Variants in HNRNPUL1 observed in about 807,000 individuals in gnomAD.
The protein encoded by HNRNPUL1 is heterogeneous nuclear ribonucleoprotein U like 1.
A neutral mutation model predicts 108.5 loss-of-function variants in HNRNPUL1; 14 were observed. The observed-to-expected ratio is 0.13, with a 90% CI of 0.09 to 0.20. The LOEUF is 0.20. Among genes scored for constraint, HNRNPUL1 ranks in the 10% least tolerant of loss-of-function variants. The pLI is 1.00. For synonymous variants in HNRNPUL1, 422 were observed against 445.2 expected (o/e 0.95, Z 0.66); for missense variants, 804 against 1,168.3 (o/e 0.69, Z 4.55).
chr19:41,288,921 G>T (rs1034569465), intron 7 of HNRNPUL1, among the ~76,000 whole-genome samples: 9 of 152,060 alleles, frequency 5.9e-5, no homozygotes, highest in Non-Finnish European at 1.3e-4. Context: ...TTCCGTGCTG[G>T]CATGAGCATT....
In HNRNPUL1 at chr19:41,302,683, A is replaced by G; in HGVS notation, c.1706A>G (p.Asp569Gly). 6.2e-7 allele frequency: 1 copy of G among 1,614,076 alleles called. No homozygotes were observed. Among genetic ancestry groups the G allele is most frequent in the Non-Finnish European group, 8.5e-7 (1 of 1,180,026 alleles). ...CTCCTAGCCAACTTCACGTTGCCAGATGTTGGGGACTTCCTGGATGAGGTT... is the reference window on the plus strand; with the variant it reads ...CTCCTAGCCAACTTCACGTTGCCAGGTGTTGGGGACTTCCTGGATGAGGTT... Reference protein sequence around the residue: ...LEMKANFTLPDVGDFLDEVLF... With the variant: ...LEMKANFTLPGVGDFLDEVLF... The change falls in exon 12 of 15, where the codon GAT (aspartate) becomes GGT (glycine). Residue 569 changes from aspartate (D) to glycine (G), a missense_variant. Physicochemically the swap from Asp to Gly is moderately conservative, Grantham distance 94. This residue lies in a region of HNRNPUL1 where 80 missense variants were observed against 221.8 expected (regional missense o/e 0.36). Coordinates refer to ENST00000392006, the MANE Select transcript of HNRNPUL1 (RefSeq NM_007040.6).
At chr19:41,276,498 A>G (rs1480606900) in intron 5 of HNRNPUL1, 200 bp downstream of exon 5, 8 of 508,182 alleles carry the variant, frequency 1.6e-5, no homozygotes, top group Non-Finnish European at 2.7e-5. Flanking sequence ...CCAACCATGC[A>G]TTGCTTCATC....
Position 41,302,967 on chromosome 19 carries a change from C to T in HNRNPUL1, c.1972+18C>T. On this transcript the variant is annotated intron_variant, in intron 12 of 14. Transcript: ENST00000392006. ...CCGAGGAGGTGAGACATCTCACACACAGCACTCTCCACTTTCTGTTCCCAG... is the reference window on the plus strand; with the variant it reads ...CCGAGGAGGTGAGACATCTCACACATAGCACTCTCCACTTTCTGTTCCCAG... 1 of 1,514,280 alleles carries T rather than the reference C, an allele frequency of 6.6e-7. No individual in the cohort carries two copies. The allele number at this position is 1,514,280 out of a possible 1,614,324, so 93.8% of individuals were successfully genotyped here. A position where few individuals can be genotyped will look rare whatever the true frequency, so the allele number is the denominator to read the frequency against.
In HNRNPUL1 at chr19:41,294,523, A is replaced by G. The variant is rs551237792; in HGVS notation, c.1390-35A>G. 1.2e-6 allele frequency: 2 copies of G among 1,613,752 alleles called. No individual in the cohort carries two copies. The highest frequency in any genetic ancestry group is 2.2e-5 in the South Asian group (2 of 91,066). On this transcript the variant is annotated intron_variant, in intron 9 of 14. Transcript: ENST00000392006. The surrounding 1 kb of genome is among the most constrained non-coding windows in gnomAD (Gnocchi z 4.3). ...ACCTACTGAGTGCTGCCCTGCAACT[A>G]AAATCACTCACCCCTCACCAATTCC...
intron 7 of HNRNPUL1, among the ~76,000 whole-genome samples, chr19:41,287,615 A>G (rs987489532): frequency 6.6e-6 from 1 of 152,110 alleles, no homozygotes; most frequent in Non-Finnish European, 1.5e-5. Context: ...TCTGGAGTGC[A>G]GTGGCGCAAT....
At chr19:41,285,892 A>C (rs1374255125) in intron 7 of HNRNPUL1, among the ~76,000 whole-genome samples, 1 of 152,074 alleles carries the variant, frequency 6.6e-6, no homozygotes, top group Non-Finnish European at 1.5e-5. Context: ...CTACTGGCTG[A>C]GCGCAGTGGC....
intron 10 of HNRNPUL1, among the ~76,000 whole-genome samples, chr19:41,295,825 C>T (rs538663379): frequency 3.6e-4 from 55 of 152,242 alleles, no homozygotes; most frequent in Non-Finnish European, 7.1e-4. Flanking sequence ...CGCCAGAGAC[C>T]GAGTTGCCTT....
intron 7 of HNRNPUL1, among the ~76,000 whole-genome samples, chr19:41,289,263 G>A (rs1277238580): frequency 1.3e-5 from 2 of 152,210 alleles, no homozygotes; most frequent in Non-Finnish European, 2.9e-5. Context: ...AGGGTGAGGA[G>A]TTGGTGGGGG....
chr19:41,288,140 C>G (rs1455495650), intron 7 of HNRNPUL1, among the ~76,000 whole-genome samples: 1 of 149,586 alleles, frequency 6.7e-6, no homozygotes, highest in Non-Finnish European at 1.5e-5. Context: ...CCCCTCCCGC[C>G]CCACCCATTT....
At chr19:41,293,649 C>G (rs1028898333) in intron 8 of HNRNPUL1, among the ~76,000 whole-genome samples, 1 of 152,178 alleles carries the variant, frequency 6.6e-6, no homozygotes, top group Admixed American at 6.5e-5. Context: ...TGGGGCCAGT[C>G]CCAGTACACA....
Position 41,303,009 on chromosome 19 carries a change from G to A in HNRNPUL1, c.1972+60G>A, listed in dbSNP as rs2037327140. 4 of 1,486,246 alleles carry A rather than the reference G, an allele frequency of 2.7e-6. 1 individual carries two copies. Among genetic ancestry groups the A allele is most frequent in the South Asian group, 2.9e-5 (2 of 69,670 alleles). The allele number at this position is 1,486,246 out of a possible 1,614,324, so 92.1% of individuals were successfully genotyped here. A position where few individuals can be genotyped will look rare whatever the true frequency, so the allele number is the denominator to read the frequency against. On this transcript the variant is annotated intron_variant, in intron 12 of 14. Transcript: ENST00000392006. ...TGTTCCCAGGTTGGGGCTGGGCTTT[G>A]ACTGCTTATTCAATCAGCAACTGAA...
intron 3 of HNRNPUL1, 144 bp downstream of exon 3, chr19:41,272,379 C>G: frequency 2.4e-6 from 2 of 836,544 alleles, no homozygotes. Flanking sequence ...CCTTCCCGTA[C>G]TTGCTACCAG....
intron 7 of HNRNPUL1, among the ~76,000 whole-genome samples, chr19:41,284,250 G>T (rs2036076488): frequency 6.6e-6 from 1 of 152,140 alleles, no homozygotes; most frequent in African/African-American, 2.4e-5. Context: ...AGCTGTAGTT[G>T]CCTGCCATTT....
chr19:41,272,853 C>T (rs2035325476), intron 3 of HNRNPUL1, among the ~76,000 whole-genome samples: 1 of 152,200 alleles, frequency 6.6e-6, no homozygotes, highest in Admixed American at 6.5e-5. Context: ...CCCTCCTTTC[C>T]CTCCAGACCA....
At position 41,294,352 on chromosome 19, in the gene HNRNPUL1, G is replaced by A. The variant is rs764631374; in HGVS notation, c.1281G>A (p.Val427=). Residue 427 remains valine, a synonymous_variant, in exon 9 of 15, where the codon GTG becomes GTA. Transcript: ENST00000392006. This position sits in a 1 kb window ranked among gnomAD's most constrained non-coding sequence, Gnocchi z 4.3. ...TGTTCTTGTAGATTCTGATGATGGT[G>A]GGCCTGCCTGCTGCTGGCAAGACCA... ...SKAECEILMM[V]GLPAAGKTTW... 5 of 1,613,888 alleles carry A rather than the reference G, an allele frequency of 3.1e-6. No homozygotes were observed. The highest frequency in any genetic ancestry group is 1.6e-4 in the Middle Eastern group (1 of 6,082).
At chr19:41,276,070 T>A in intron 4 of HNRNPUL1, 89 bp from the exon 5 acceptor site, 1 of 1,572,352 alleles carries the variant, frequency 6.4e-7, no homozygotes, top group Middle Eastern at 2.1e-4. Flanking sequence ...ACCATTGCAC[T>A]CCAGCCTGGG....
Position 41,264,687 on chromosome 19 carries a change from G to A in HNRNPUL1, c.184G>A (p.Glu62Lys), listed in dbSNP as rs781097527. The change falls in exon 1 of 15, where the codon GAG (glutamate) becomes AAG (lysine). Residue 62 changes from glutamate to lysine, a missense_variant. Physicochemically the swap from Glu to Lys is moderately conservative, Grantham distance 56 (BLOSUM62 1). This residue lies in a region of HNRNPUL1 where 256 missense variants were observed against 261.6 expected (regional missense o/e 0.98). Coordinates refer to ENST00000392006, the MANE Select transcript of HNRNPUL1 (RefSeq NM_007040.6). The stretch of plus-strand genomic sequence containing the variant: ...ACCGGGGCGACCCGGGCACATCAAC[G>A]AGGAGGTCGAGACCGAGGGGGGCTC... ...DEPGRPGHINEEVETEGGSEL... is the reference protein window; with the variant it reads ...DEPGRPGHINKEVETEGGSEL... 3 of 1,570,606 alleles carry A rather than the reference G, an allele frequency of 1.9e-6. No individual in the cohort carries two copies. The highest frequency in any genetic ancestry group is 4.7e-5 in the East Asian group (2 of 42,544).
At chr19:41,275,974 A>T (rs1015865116) in intron 4 of HNRNPUL1, among the ~76,000 whole-genome samples, 185 bp from the exon 5 acceptor site, 2 of 152,116 alleles carry the variant, frequency 1.3e-5, no homozygotes, top group Admixed American at 6.5e-5. Flanking sequence ...GTGGTGGTGC[A>T]TGCCTGTAAT....
chr19:41,304,338 A>G (rs1338632497), intron 13 of HNRNPUL1, 77 bp downstream of exon 13: 65 of 1,522,968 alleles, frequency 4.3e-5, no homozygotes, highest in Non-Finnish European at 5.5e-5. Context: ...GTGGAGGCGG[A>G]TCTGGGGAAA....
Sources: allele counts gnomAD v4.1 joint callset (sites outside exome capture counted in the v4.1 genomes callset), GRCh38; gene constraint gnomAD v4.1.1; regional missense constraint gnomAD v4.1.1; non-coding constraint Gnocchi (gnomAD v3.1); transcripts MANE v1.5; gene names NCBI Gene and HGNC (gene_info 2026-07-23, HGNC 2026-07-21).